The following PDZRN3 variants were observed in gnomAD, a reference collection of about 807,000 sequenced individuals.
PDZRN3 encodes PDZ domain containing ring finger 3.
PDZRN3 carries 38 observed loss-of-function variants against 85.7 expected under a neutral mutation model. The observed-to-expected ratio is 0.44, with a 90% CI of 0.34 to 0.58. The LOEUF is 0.58. PDZRN3 is among the 20% of genes least tolerant of loss of function. The pLI is 0.01. For missense variants in PDZRN3, 1,629 were observed against 1,506.4 expected (o/e 1.08, Z -1.35); for synonymous variants, 759 against 638.0 (o/e 1.19, Z -2.86).
In PDZRN3 at chr3:73,384,200, G is replaced by A. The variant is rs773222997; in HGVS notation, c.2366C>T (p.Pro789Leu). Residue 789 changes from proline (P) to leucine (L), a missense_variant, in exon 10 of 10, where the codon CCG (proline) becomes CTG (leucine). Transcript: ENST00000263666. ...GGTCCCCACAGCCCCTTCGCTGCTC[G>A]GGCAGCTGATGCCCTCCGCCGCTCT... ...LRRAAEGISC[P>L]SSEGAVGTTE... is the part of the protein sequence containing the mutation. 2.5e-6 allele frequency: 4 copies of A among 1,613,868 alleles called. No individual in the cohort carries two copies. The Admixed American group carries it at 5.0e-5, about 20-fold the overall frequency.
intron 3 of PDZRN3, among the ~76,000 whole-genome samples, chr3:73,499,330 G>A (rs1461773991): frequency 6.6e-6 from 1 of 152,032 alleles, no homozygotes; most frequent in East Asian, 1.9e-4. Flanking sequence ...ATAAACCTAC[G>A]AGGCCCAGGC....
In PDZRN3 at chr3:73,385,698, T is replaced by C. The variant is rs1177506397; in HGVS notation, c.1606A>G (p.Met536Val). The part of the protein sequence containing the change: ...DMLEEQHHQA[M>V]QFTASVLQQK... ...TGCAGCACGCTAGCTGTGAATTGCA[T>C]GGCCTGGTGGTGCTGCTCCTCCAGC... Residue 536 changes from methionine to valine, a missense_variant, in exon 9 of 10, where the codon ATG (methionine) becomes GTG (valine). Coordinates refer to ENST00000263666, the MANE Select transcript of PDZRN3 (RefSeq NM_015009.3). The C allele has an allele frequency of 5.6e-6, 9 of 1,612,606 alleles. No individual in the cohort carries two copies. In the Admixed American group the frequency reaches 1.0e-4, roughly 18 times the overall value.
chr3:73,486,193 T>C (rs947404712), intron 3 of PDZRN3, among the ~76,000 whole-genome samples: 2 of 152,146 alleles, frequency 1.3e-5, no homozygotes, highest in African/African-American at 4.8e-5. Flanking sequence ...GGCTGGGAGA[T>C]GCCAGTGGCT....
intron 3 of PDZRN3, among the ~76,000 whole-genome samples, chr3:73,523,958 A>G (rs1310398367): frequency 2.0e-5 from 3 of 152,234 alleles, no homozygotes; most frequent in Non-Finnish European, 4.4e-5. Flanking sequence ...AGGAGTTCAG[A>G]GCCTGGGAGT....
chr3:73,561,939 G>C (rs771317911), intron 3 of PDZRN3, among the ~76,000 whole-genome samples: 1 of 147,240 alleles, frequency 6.8e-6, no homozygotes, highest in Non-Finnish European at 1.5e-5. Context: ...TGCTGGAAAA[G>C]CTGTTTGTTT....
Position 73,383,294 on chromosome 3 carries a change from C to T in PDZRN3, c.*71G>A. On this transcript the variant is annotated 3_prime_UTR_variant, in exon 10 of 10. Transcript: ENST00000263666. ...TTATCTTATATACAAAAACTTGCCG[C>T]ATTGAACGAGGCAGGAATTTCTACC... is the stretch of plus-strand genomic sequence containing the variant. The T allele has an allele frequency of 1.4e-6, 2 of 1,418,692 alleles. No homozygotes were observed. Among genetic ancestry groups the T allele is most frequent in the Non-Finnish European group, 1.9e-6 (2 of 1,042,476 alleles). The allele number at this position is 1,418,692 out of a possible 1,614,324, so 87.9% of individuals were successfully genotyped here.
At chr3:73,394,598 G>T (rs890286990) in intron 5 of PDZRN3, among the ~76,000 whole-genome samples, 3 of 152,132 alleles carry the variant, frequency 2.0e-5, no homozygotes, top group African/African-American at 7.2e-5. Flanking sequence ...AAAAGCAAAG[G>T]GTATTCTGGA....
At chr3:73,425,173 CCTGT>C (rs1012660961) in intron 3 of PDZRN3, among the ~76,000 whole-genome samples, 8 of 152,086 alleles carry the variant, frequency 5.3e-5, no homozygotes, top group African/African-American at 1.7e-4. Context: ...TGCCACCACG[CCTGT>C]CTAATTTTTT....
intron 3 of PDZRN3, among the ~76,000 whole-genome samples, chr3:73,423,486 C>T (rs967027093): frequency 1.3e-5 from 2 of 152,038 alleles, no homozygotes; most frequent in Non-Finnish European, 1.5e-5. Flanking sequence ...ATTTGTTTGC[C>T]GTATTTGGTT....
At chr3:73,592,450 C>T (rs1045383046) in intron 3 of PDZRN3, among the ~76,000 whole-genome samples, 3 of 151,854 alleles carry the variant, frequency 2.0e-5, no homozygotes, top group African/African-American at 7.3e-5. Context: ...GTCAAATGAC[C>T]CACTAGGGTT....
chr3:73,605,295 C>T (rs1477048693), intron 2 of PDZRN3, among the ~76,000 whole-genome samples: 1 of 151,640 alleles, frequency 6.6e-6, no homozygotes, highest in Non-Finnish European at 1.5e-5. Flanking sequence ...GAGTTAGTTA[C>T]AGCTATTTAT....
intron 3 of PDZRN3, among the ~76,000 whole-genome samples, chr3:73,451,251 G>A (rs1261649437): frequency 6.6e-6 from 1 of 152,156 alleles, no homozygotes. Flanking sequence ...TTCAGGGCAA[G>A]CGCAGTAAAA....
Position 73,624,451 on chromosome 3 carries a change from G to T in PDZRN3, c.375C>A (p.Asp125Glu). ...AGCGQVLLRRDVEAHMRDACD... is the reference protein window; with the variant it reads ...AGCGQVLLRREVEAHMRDACD... ...AGGCGTCGCGCATGTGCGCCTCCAC[G>T]TCGCGCCGCAGCAGCACCTGGCCGC... The change falls in exon 1 of 10, where the codon GAC (aspartate) becomes GAA (glutamate). Residue 125 changes from aspartate (D) to glutamate (E), a missense_variant. Asp to Glu is a conservative substitution (Grantham distance 45). Coordinates refer to ENST00000263666, the MANE Select transcript of PDZRN3 (RefSeq NM_015009.3). The T allele has an allele frequency of 7.4e-7, 1 of 1,348,244 alleles. No homozygotes were observed. Among genetic ancestry groups the T allele is most frequent in the South Asian group, 1.8e-5 (1 of 54,302 alleles). The allele number at this position is 1,348,244 out of a possible 1,614,324, so 83.5% of individuals were successfully genotyped here. A position where few individuals can be genotyped will look rare whatever the true frequency, so the allele number is the denominator to read the frequency against.
intron 3 of PDZRN3, among the ~76,000 whole-genome samples, chr3:73,457,548 C>T (rs1276600045): frequency 6.6e-6 from 1 of 152,052 alleles, no homozygotes; most frequent in Non-Finnish European, 1.5e-5. Flanking sequence ...TCCATGTGCC[C>T]CCTGGATTCC....
chr3:73,618,989 G>A (rs192741254), intron 1 of PDZRN3, among the ~76,000 whole-genome samples: 26 of 152,232 alleles, frequency 1.7e-4, no homozygotes, highest in Admixed American at 7.8e-4. Context: ...TTGGACATCT[G>A]GAACACCTTT....
chr3:73,586,516 A>G (rs1247490471), intron 3 of PDZRN3, among the ~76,000 whole-genome samples: 1 of 152,262 alleles, frequency 6.6e-6, no homozygotes, highest in Non-Finnish European at 1.5e-5. Flanking sequence ...TGCGGTGTGC[A>G]GAGCACAATC....
At chr3:73,508,913 T>C (rs1338017326) in intron 3 of PDZRN3, among the ~76,000 whole-genome samples, 1 of 152,132 alleles carries the variant, frequency 6.6e-6, no homozygotes, top group Non-Finnish European at 1.5e-5. Flanking sequence ...TAGTGTCCCT[T>C]TGAGGTTCTA....
intron 3 of PDZRN3, among the ~76,000 whole-genome samples, chr3:73,466,300 G>C (rs1703211990): frequency 6.6e-6 from 1 of 150,822 alleles, no homozygotes; most frequent in Admixed American, 6.6e-5. Flanking sequence ...GTTATCACAG[G>C]ATAGGACTAC....
chr3:73,583,220 T>G (rs1436075724), intron 3 of PDZRN3, among the ~76,000 whole-genome samples: 5 of 152,140 alleles, frequency 3.3e-5, no homozygotes, highest in African/African-American at 1.2e-4. Context: ...TCCAGAAAAT[T>G]TAAGGAACTA....
Sources: gnomAD v4.1 joint callset for allele counts (sites outside exome capture counted in the v4.1 genomes callset) on GRCh38, gnomAD v4.1.1 for gene constraint, MANE v1.5 for transcripts, NCBI Gene and HGNC (gene_info 2026-07-23, HGNC 2026-07-21) for gene names.